ABCA4: variants seen among roughly 807,000 people sequenced by gnomAD.
ABCA4 encodes ATP binding cassette subfamily A member 4.
Under a neutral mutation model 263.7 loss-of-function variants are expected in ABCA4, and 196 were observed. The ratio of observed to expected loss-of-function variants is 0.74; its 90% confidence interval spans 0.66 to 0.84. The LOEUF is 0.84. Among genes scored for constraint, ABCA4 ranks in the 40% least tolerant of loss-of-function variants. The pLI is 0.00. For synonymous variants in ABCA4, 1,133 were observed against 1,094.2 expected, an observed-to-expected ratio of 1.04 and a Z score of -0.70; for missense variants, 2,792 against 2,855.1, an observed-to-expected ratio of 0.98 and a Z score of 0.50.
chr1:94,014,720 G>A (rs192041693), intron 37 of ABCA4, 30 bp from the exon 38 acceptor site: 5 of 1,613,912 alleles, frequency 3.1e-6, no homozygotes, highest in Middle Eastern at 1.6e-4. Context: ...TCAGAGTGAT[G>A]GAGTTCCACA....
chr1:94,028,644 C>T (rs77907579), intron 30 of ABCA4, among the ~76,000 whole-genome samples: 2,596 of 152,190 alleles, frequency 0.017, 76 homozygotes, highest in African/African-American at 0.058. Context: ...CAGTGGCTGA[C>T]GCTTGTAATC....
chr1:94,114,622 G>T (rs1302860125), intron 1 of ABCA4, among the ~76,000 whole-genome samples: 1 of 152,150 alleles, frequency 6.6e-6, no homozygotes, highest in East Asian at 1.9e-4. Flanking sequence ...GAGTAGCTGG[G>T]ACTGCAGGTG....
At chr1:94,094,507 G>A (rs553139148) in intron 6 of ABCA4, among the ~76,000 whole-genome samples, 2 of 152,258 alleles carry the variant, frequency 1.3e-5, no homozygotes, top group South Asian at 4.1e-4. Context: ...CACACTGGAA[G>A]CATTTTCAAA....
Position 94,023,816 on chromosome 1 carries a change from G to A in ABCA4, c.4635-398C>T, listed in dbSNP as rs549759727. 1.8e-4 allele frequency among the ~76,000 whole-genome samples: 27 copies of A among 152,204 alleles called. No homozygotes were observed. The East Asian group carries it at 4.4e-3, about 25-fold the overall frequency. ...ACTCTAACAACCACCTGCACACCTC[G>A]GGGGAGTTCCGACTCACTCCACAGC... On this transcript the variant is annotated intron_variant, in intron 31 of 49. Transcript: ENST00000370225.
intron 23 of ABCA4, among the ~76,000 whole-genome samples, chr1:94,040,668 AAGG>A (rs1265081747): frequency 6.6e-6 from 1 of 152,222 alleles, no homozygotes. Context: ...TACTAAAAAA[AAGG>A]AGGAATTAAA....
intron 47 of ABCA4, among the ~76,000 whole-genome samples, chr1:93,998,901 G>A (rs1419699948): frequency 7.6e-6 from 1 of 131,818 alleles, no homozygotes; most frequent in African/African-American, 3.7e-5. Flanking sequence ...ACCACACTCG[G>A]CTAATTTTTT....
chr1:94,036,455 C>T (rs1361324625), intron 26 of ABCA4, among the ~76,000 whole-genome samples: 1 of 151,532 alleles, frequency 6.6e-6, no homozygotes, highest in East Asian at 1.9e-4. Flanking sequence ...CTGCTCACTG[C>T]AACCTCTGCC....
rs886039297 is a variant in ABCA4 at position 94,111,452 on chromosome 1, G to T, written c.288C>A (p.Asn96Lys). The change falls in exon 3 of 50, where the codon AAC becomes AAA. Residue 96 changes from asparagine (N) to lysine (K), a missense_variant. Coordinates refer to ENST00000370225, the MANE Select transcript of ABCA4 (RefSeq NM_000350.3). ...TCAACACTTACATGGAGTTGTTATA[G>T]TTTGACACAATTCCAGGAGATTCTC... ...TPGESPGIVS[N>K]YNNSILARVY... is the part of the protein sequence containing the mutation. 5 of 1,614,032 alleles carry T rather than the reference G, an allele frequency of 3.1e-6. No homozygotes were observed. Among genetic ancestry groups the T allele is most frequent in the Middle Eastern group, 1.7e-4 (1 of 6,044 alleles).
chr1:94,042,965 C>T, intron 21 of ABCA4, 67 bp from the exon 22 acceptor site: 1 of 1,605,696 alleles, frequency 6.2e-7, no homozygotes, highest in South Asian at 1.1e-5. Context: ...AGGCCCAGGG[C>T]AAGTGGCATT....
rs1427105205 is a variant in ABCA4, at chr1:94,024,975, T to A, written c.4613A>T (p.Tyr1538Phe). ...RNISDFLVKT[Y>F]PALIRSSLKS... The stretch of plus-strand genomic sequence containing the variant: ...TTACCTGCTTCTTATAAGAGCAGGA[T>A]ACGTTTTTACCAAGAAGTCGGAGAT... The change falls in exon 31 of 50, where the codon TAT becomes TTT. Residue 1538 changes from tyrosine to phenylalanine, a missense_variant. Physicochemically the swap from Tyr to Phe is conservative, Grantham distance 22. Transcript: ENST00000370225. The A allele has an allele frequency of 6.2e-7, 1 of 1,614,072 alleles. No homozygotes were observed. The highest frequency in any genetic ancestry group is 1.7e-5 in the Admixed American group (1 of 60,014).
Position 94,037,673 on chromosome 1 carries a change from C to A in ABCA4, c.3608-323G>T, listed in dbSNP as rs370064759. On this transcript the variant is annotated intron_variant, in intron 24 of 49. Coordinates refer to ENST00000370225, the MANE Select transcript of ABCA4 (RefSeq NM_000350.3). ...CCTCTGTTCAACGAAATGCTCTGTC[C>A]CCTCAAACTATGTTATGTTGGGTGG... Among the ~76,000 whole-genome samples the A allele has an allele frequency of 1.4e-4, 21 of 152,266 alleles. 1 individual carries two copies. The highest frequency in any genetic ancestry group is 7.9e-4 in the Admixed American group (12 of 15,286).
intron 49 of ABCA4, among the ~76,000 whole-genome samples, chr1:93,993,741 G>C (rs1208568805): frequency 1.3e-5 from 2 of 152,084 alleles, no homozygotes; most frequent in African/African-American, 4.8e-5. Flanking sequence ...TTAGGCTCCA[G>C]ATCAAAGCTT....
At chr1:94,049,788 C>T (rs1660783874) in intron 17 of ABCA4, among the ~76,000 whole-genome samples, 1 of 151,990 alleles carries the variant, frequency 6.6e-6, no homozygotes. Flanking sequence ...TAATACAAGC[C>T]TGGACAAATT....
chr1:94,081,848 C>T (rs1013691528), intron 7 of ABCA4, among the ~76,000 whole-genome samples: 1 of 152,124 alleles, frequency 6.6e-6, no homozygotes, highest in Admixed American at 6.6e-5. Context: ...AGCTTGGCTC[C>T]CATAATGCCA....
At chr1:94,051,797 A>C in intron 16 of ABCA4, 99 bp from the exon 17 acceptor site, 2 of 880,026 alleles carry the variant, frequency 2.3e-6, no homozygotes, top group Non-Finnish European at 3.8e-6. Context: ...CCTGAACCTC[A>C]AATTGTAACT....
At position 94,116,974 on chromosome 1, in the gene ABCA4, CTTTCT is replaced by C. The variant is rs1329421587; in HGVS notation, c.67-3913_67-3909del. ...CTCCCTCCTTTCTTTCTTTCTCTTT[CTTTCT>C]TTCTTTCTTTCTTTCTTTCTTTCTT... On this transcript the variant is annotated intron_variant, in intron 1 of 49. Coordinates refer to ENST00000370225, the MANE Select transcript of ABCA4 (RefSeq NM_000350.3). Among the ~76,000 whole-genome samples, 7 of 86,228 alleles carry C rather than the reference CTTTCT, an allele frequency of 8.1e-5. No homozygotes were observed. In the East Asian group the frequency reaches 2.2e-3, roughly 27 times the overall value. 56.6% of individuals were successfully genotyped at this position (86,228 alleles called of 152,430 possible). A position where few individuals can be genotyped will look rare whatever the true frequency, so the allele number is the denominator to read the frequency against.
intron 1 of ABCA4, among the ~76,000 whole-genome samples, chr1:94,117,062 TTCTC>T (rs1255003780): frequency 1.3e-5 from 2 of 149,464 alleles, no homozygotes; most frequent in Admixed American, 1.3e-4. Context: ...TTTCTTTCCT[TTCTC>T]TCTCTCTTCC....
At chr1:94,003,174 T>G (rs1659239980) in intron 44 of ABCA4, among the ~76,000 whole-genome samples, 1 of 152,194 alleles carries the variant, frequency 6.6e-6, no homozygotes, top group African/African-American at 2.4e-5. Context: ...CTGTTCATAG[T>G]TCAGTTTTGT....
chr1:94,044,732 C>T lies in ABCA4; in HGVS notation c.2931G>A (p.Thr977=), dbSNP rs146963098. 73 of 1,614,184 alleles carry T rather than the reference C, an allele frequency of 4.5e-5. No homozygotes were observed. Among genetic ancestry groups the T allele is most frequent in the African/African-American group, 1.7e-4 (13 of 75,030 alleles). ...AGKTTTLSIL[T]GLLPPTSGTV... ...TCCCAGAGGTTGGTGGCAACAGACCCGTCAGGATGGACCTGCAGAACACAG... is the reference window on the plus strand; with the variant it reads ...TCCCAGAGGTTGGTGGCAACAGACCTGTCAGGATGGACCTGCAGAACACAG... The change falls in exon 20 of 50, where the codon ACG becomes ACA. Residue 977 remains threonine, a synonymous_variant. Coordinates refer to ENST00000370225, the MANE Select transcript of ABCA4 (RefSeq NM_000350.3).
Sources: allele counts gnomAD v4.1 joint callset (sites outside exome capture counted in the v4.1 genomes callset), GRCh38; gene constraint gnomAD v4.1.1; transcripts MANE v1.5; gene names NCBI Gene and HGNC (gene_info 2026-07-23, HGNC 2026-07-21).